Variants in ARFGEF2 observed in about 807,000 individuals in gnomAD.
ARFGEF2 encodes ARF guanine nucleotide exchange factor 2.
A neutral mutation model predicts 219.9 loss-of-function variants in ARFGEF2; 74 were observed. The observed-to-expected ratio is 0.34, with a 90% CI of 0.28 to 0.41. The LOEUF (loss-of-function observed/expected upper bound fraction) is 0.41. ARFGEF2 is among the 10% of genes least tolerant of loss of function. The probability of loss-of-function intolerance (pLI) is 1.00; values close to 1 mark genes in which losing one functional copy is unlikely to be tolerated. For missense variants in ARFGEF2, 1,743 were observed against 2,218.3 expected, an observed-to-expected ratio of 0.79 and a Z score of 4.30; for synonymous variants, 733 against 799.2, an observed-to-expected ratio of 0.92 and a Z score of 1.40.
Position 49,017,666 on chromosome 20 carries a change from TA to T in ARFGEF2, c.4509+121del, listed in dbSNP as rs556379628. ...GGGAAGTGAGTAAAATTATAAGATC[TA>T]AAAATAGTATATATTCATAATATAT... is the stretch of plus-strand genomic sequence containing the variant. On this transcript the variant is annotated intron_variant, in intron 33 of 38. Coordinates refer to ENST00000371917, the MANE Select transcript of ARFGEF2 (RefSeq NM_006420.3). 7.6e-4 allele frequency: 753 copies of T among 985,992 alleles called. 7 individuals carry two copies. In the African/African-American group the frequency reaches 0.01, roughly 13 times the overall value. 61.1% of individuals were successfully genotyped at this position (985,992 alleles called of 1,614,324 possible).
chr20:48,974,693 C>T lies in ARFGEF2; in HGVS notation c.1666-73C>T, dbSNP rs1032601823. The T allele has an allele frequency of 3.2e-5, 40 of 1,243,114 alleles. No homozygotes were observed. The South Asian group carries it at 4.5e-4, about 14-fold the overall frequency. 77.0% of individuals were successfully genotyped at this position (1,243,114 alleles called of 1,614,324 possible). A position where few individuals can be genotyped will look rare whatever the true frequency, so the allele number is the denominator to read the frequency against. ...TTCTTTCTTAGCCTCACTGGGGTCC[C>T]AGAAAGCCTCGTAGATGTCTGTTCT... is the stretch of plus-strand genomic sequence containing the variant. On this transcript the variant is annotated intron_variant, in intron 12 of 38. Coordinates refer to ENST00000371917, the MANE Select transcript of ARFGEF2 (RefSeq NM_006420.3).
chr20:48,992,069 A>G (rs2091360479), intron 21 of ARFGEF2, among the ~76,000 whole-genome samples: 1 of 152,230 alleles, frequency 6.6e-6, no homozygotes, highest in Non-Finnish European at 1.5e-5. Flanking sequence ...ATTGCAAGAA[A>G]AATAAGGGAG....
chr20:48,963,872 A>T lies in ARFGEF2; in HGVS notation c.881A>T (p.Glu294Val). 6.2e-7 allele frequency: 1 copy of T among 1,614,044 alleles called. No homozygotes were observed. Among genetic ancestry groups the T allele is most frequent in the Non-Finnish European group, 8.5e-7 (1 of 1,179,978 alleles). Residue 294 changes from glutamate (E) to valine (V), a missense_variant, in exon 7 of 39, where the codon GAA (glutamate) becomes GTA (valine). By Grantham distance (121) the Glu-to-Val change is moderately radical. This residue lies in a region of ARFGEF2 where 394 missense variants were observed against 426.6 expected (regional missense o/e 0.92). Coordinates refer to ENST00000371917, the MANE Select transcript of ARFGEF2 (RefSeq NM_006420.3). ...GAQEVVKDIL[E>V]DVVTSAIKEA... ...CAGGAGGTGGTGAAGGACATCTTGGAAGATGTAGTCACATCTGCCATTAAA... is the reference window on the plus strand; with the variant it reads ...CAGGAGGTGGTGAAGGACATCTTGGTAGATGTAGTCACATCTGCCATTAAA...
chr20:48,972,300 TC>T (rs1317918044), intron 10 of ARFGEF2, 25 bp from the exon 11 acceptor site: 2 of 1,520,980 alleles, frequency 1.3e-6, no homozygotes, highest in Admixed American at 1.7e-5. Context: ...TTAATTAGTG[TC>T]CTCCTTTGTC....
rs989051585 is a variant in ARFGEF2 at position 48,966,158 on chromosome 20, T to C, written c.1059+135T>C. The stretch of plus-strand genomic sequence containing the variant: ...CTTTATTAGTCACACAGTCCTGGGC[T>C]GATATTCTTTGTATTAGCAGGTTCA... On this transcript the variant is annotated intron_variant, in intron 8 of 38. Coordinates refer to ENST00000371917, the MANE Select transcript of ARFGEF2 (RefSeq NM_006420.3). 3.0e-5 allele frequency: 33 copies of C among 1,097,344 alleles called. No homozygotes were observed. The East Asian group carries it at 8.0e-4, about 27-fold the overall frequency. 68.0% of individuals were successfully genotyped at this position (1,097,344 alleles called of 1,614,324 possible).
chr20:48,933,399 G>A (rs1377012923), intron 1 of ARFGEF2, among the ~76,000 whole-genome samples: 1 of 151,540 alleles, frequency 6.6e-6, no homozygotes, highest in Admixed American at 6.6e-5. Flanking sequence ...GTGGGCAGAT[G>A]GCTTAACCTC....
intron 30 of ARFGEF2, 104 bp downstream of exon 30, chr20:49,014,064 A>T: frequency 6.8e-7 from 1 of 1,463,878 alleles, no homozygotes; most frequent in Non-Finnish European, 9.5e-7. Flanking sequence ...AGAGTTCTTA[A>T]ATACTGAGCA....
Position 49,005,170 on chromosome 20 carries a change from G to A in ARFGEF2, c.3533G>A (p.Arg1178His), listed in dbSNP as rs748965329. Residue 1178 changes from arginine to histidine, a missense_variant, in exon 26 of 39, where the codon CGT becomes CAT. Around this residue, in one of 5 missense-constraint regions of ARFGEF2, gnomAD observed 102 missense variants for 146.8 expected, o/e 0.69. Transcript: ENST00000371917. ...FLEKGELANF[R>H]FQKDFLRPFE... The stretch of plus-strand genomic sequence containing the variant: ...GAGAAGGGTGAATTAGCCAACTTCC[G>A]TTTCCAGAAAGATTTTCTGAGGCCC... 7 of 1,614,032 alleles carry A rather than the reference G, an allele frequency of 4.3e-6. No individual in the cohort carries two copies. Among genetic ancestry groups the A allele is most frequent in the South Asian group, 3.3e-5 (3 of 91,074 alleles).
chr20:48,952,374 T>C (rs549838576), intron 4 of ARFGEF2, among the ~76,000 whole-genome samples: 15 of 152,230 alleles, frequency 9.9e-5, no homozygotes, highest in African/African-American at 3.1e-4. Flanking sequence ...CAGGCTGGTC[T>C]TGAACTCGTG....
At position 48,989,506 on chromosome 20, in the gene ARFGEF2, C is replaced by G. The variant is rs2295032; in HGVS notation, c.2686-50C>G. 0.02 allele frequency: 32,851 copies of G among 1,614,240 alleles called. 774 individuals are homozygous for G. The highest frequency in any genetic ancestry group is 0.079 in the South Asian group (7,186 of 91,086). On this transcript the variant is annotated intron_variant, in intron 19 of 38. Coordinates refer to ENST00000371917, the MANE Select transcript of ARFGEF2 (RefSeq NM_006420.3). ...CTGAAGCTGGCCAGCGAGAAGTACT[C>G]TTTCCACGCTAAAACTCTGGATGTT...
At chr20:48,993,942 T>C (rs1983638) in intron 21 of ARFGEF2, among the ~76,000 whole-genome samples, 771 of 152,070 alleles carry the variant, frequency 5.1e-3, no homozygotes, top group Non-Finnish European at 8.1e-3. Context: ...CAAATAGATA[T>C]ATGGTATAAT....
Position 49,019,008 on chromosome 20 carries a change from C to T in ARFGEF2, c.4624+10C>T. ...GGTAGACCATACGCAAGTAAGGCCA[C>T]TTTTTAATTTGTTTTAAATAAGTAA... On this transcript the variant is annotated intron_variant, in intron 34 of 38. Transcript: ENST00000371917. 4.4e-6 allele frequency: 7 copies of T among 1,603,040 alleles called. No individual in the cohort carries two copies. The highest frequency in any genetic ancestry group is 6.0e-6 in the Non-Finnish European group (7 of 1,170,592).
chr20:48,974,736 G>A, intron 12 of ARFGEF2, 30 bp from the exon 13 acceptor site: 1 of 1,575,718 alleles, frequency 6.3e-7, no homozygotes, highest in Non-Finnish European at 8.7e-7. Context: ...TTTCTGTTAA[G>A]TCTCTTTCCT....
At position 48,985,588 on chromosome 20, in the gene ARFGEF2, G is replaced by T. The variant is rs1383096323; in HGVS notation, c.2251G>T (p.Ala751Ser). The T allele has an allele frequency of 1.6e-5, 26 of 1,614,034 alleles. No individual in the cohort carries two copies. Among genetic ancestry groups the T allele is most frequent in the Non-Finnish European group, 2.1e-5 (25 of 1,180,044 alleles). The change falls in exon 16 of 39, where the codon GCA (alanine) becomes TCA (serine). Residue 751 changes from alanine to serine, a missense_variant. Transcript: ENST00000371917. ...TGACCGATTAATGGAGAAGTTTGCC[G>T]CAAGATACATAGAATGCAACCAAGG... ...KIDRLMEKFA[A>S]RYIECNQGQT...
intron 37 of ARFGEF2, among the ~76,000 whole-genome samples, chr20:49,031,220 C>CTTTTTTT (rs869105434): frequency 1.7e-5 from 1 of 59,396 alleles, no homozygotes; most frequent in South Asian, 7.9e-4. Flanking sequence ...TGAGTTTGGA[C>CTTTTTTT]TTTTTTTTTT....
chr20:49,014,175 A>C (rs1031417730), intron 30 of ARFGEF2, among the ~76,000 whole-genome samples: 8 of 151,926 alleles, frequency 5.3e-5, no homozygotes, highest in African/African-American at 1.9e-4. Flanking sequence ...GAGAGGAAAT[A>C]CATCTCTGTG....
At chr20:48,972,189 A>G (rs985326899) in intron 10 of ARFGEF2, 137 bp from the exon 11 acceptor site, 95 of 694,048 alleles carry the variant, frequency 1.4e-4, no homozygotes, top group Non-Finnish European at 2.1e-4. Context: ...CTGCCCAGCC[A>G]GGTGGGCACT....
At chr20:49,021,262 T>A (rs2091563461) in intron 34 of ARFGEF2, among the ~76,000 whole-genome samples, 1 of 151,720 alleles carries the variant, frequency 6.6e-6, no homozygotes, top group Non-Finnish European at 1.5e-5. Context: ...ATTTTTTTTT[T>A]AATGAAAAAA....
chr20:48,935,641 A>G (rs1320625144), intron 1 of ARFGEF2, among the ~76,000 whole-genome samples: 1 of 151,872 alleles, frequency 6.6e-6, no homozygotes, highest in Non-Finnish European at 1.5e-5. Flanking sequence ...GGCCGGGCAG[A>G]GGGGCTCCTC....
Sources: gnomAD v4.1 joint callset for allele counts (sites outside exome capture counted in the v4.1 genomes callset) on GRCh38, gnomAD v4.1.1 for gene constraint, gnomAD v4.1.1 regional missense constraint, MANE v1.5 for transcripts, NCBI Gene and HGNC (gene_info 2026-07-23, HGNC 2026-07-21) for gene names.